HS3ST4: variants seen among roughly 807,000 people sequenced by gnomAD.
HS3ST4 encodes heparan sulfate-glucosamine 3-sulfotransferase 4, also known as heparan sulfate glucosamine 3-O-sulfotransferase 4.
A neutral mutation model predicts 29.2 loss-of-function variants in HS3ST4; 17 were observed. That is an observed-to-expected ratio of 0.58 (90% CI 0.40 to 0.87). The LOEUF is 0.87. HS3ST4 is among the 40% of genes least tolerant of loss of function. HS3ST4 has a pLI of 0.00. For synonymous variants in HS3ST4, 314 were observed against 285.7 expected (o/e 1.10, Z -1.00); for missense variants, 627 against 634.5 (o/e 0.99, Z 0.13).
At chr16:25,817,867 G>A (rs1304082496) in intron 1 of HS3ST4, among the ~76,000 whole-genome samples, 1 of 152,084 alleles carries the variant, frequency 6.6e-6, no homozygotes, top group Non-Finnish European at 1.5e-5. Flanking sequence ...TTTGCTTATT[G>A]TGGTTCACAA....
At chr16:26,037,876 A>T (rs890044228) in intron 1 of HS3ST4, among the ~76,000 whole-genome samples, 1 of 152,112 alleles carries the variant, frequency 6.6e-6, no homozygotes, top group African/African-American at 2.4e-5. Context: ...CATGTGTTCA[A>T]TTGCCCCAGT....
At chr16:25,706,689 C>T (rs1210523187) in intron 1 of HS3ST4, among the ~76,000 whole-genome samples, 1 of 152,136 alleles carries the variant, frequency 6.6e-6, no homozygotes, top group Non-Finnish European at 1.5e-5. Context: ...CCCTGAAATG[C>T]CTGCATCCTA....
intron 1 of HS3ST4, among the ~76,000 whole-genome samples, chr16:25,978,594 C>T (rs533701566): frequency 6.9e-4 from 105 of 152,334 alleles, no homozygotes; most frequent in African/African-American, 2.4e-3. Context: ...ATCTCTTGTG[C>T]TTTGTTGGCC....
chr16:25,707,885 C>T lies in HS3ST4; in HGVS notation c.734+14734C>T, dbSNP rs139375884. ...CGGGTCTCTGCTCAATCATCTTATCCTCAGGGTGGCTTTTTCTTGTACCAC... is the reference window on the plus strand; with the variant it reads ...CGGGTCTCTGCTCAATCATCTTATCTTCAGGGTGGCTTTTTCTTGTACCAC... On this transcript the variant is annotated intron_variant, in intron 1 of 1. Transcript: ENST00000331351. Among the ~76,000 whole-genome samples, 51 of 152,292 alleles carry T rather than the reference C, an allele frequency of 3.3e-4. 1 individual carries two copies. The highest frequency in any genetic ancestry group is 1.2e-3 in the African/African-American group (50 of 41,560).
intron 1 of HS3ST4, among the ~76,000 whole-genome samples, chr16:25,796,552 CA>C (rs201258684): frequency 6.6e-6 from 1 of 150,472 alleles, no homozygotes; most frequent in Non-Finnish European, 1.5e-5. Flanking sequence ...TATGGCATTG[CA>C]AAAAAAAATT....
intron 1 of HS3ST4, among the ~76,000 whole-genome samples, chr16:25,931,707 G>A (rs1447914379): frequency 6.6e-6 from 1 of 152,214 alleles, no homozygotes; most frequent in African/African-American, 2.4e-5. Flanking sequence ...ATTCTGTTTG[G>A]TGGGAAGCAG....
chr16:25,700,108 C>T (rs549052590), intron 1 of HS3ST4, among the ~76,000 whole-genome samples: 1 of 152,238 alleles, frequency 6.6e-6, no homozygotes, highest in African/African-American at 2.4e-5. Flanking sequence ...GGATTTTAAA[C>T]CCTGAAGCAG....
chr16:25,737,707 C>G (rs1471594626), intron 1 of HS3ST4, among the ~76,000 whole-genome samples: 1 of 152,112 alleles, frequency 6.6e-6, no homozygotes, highest in African/African-American at 2.4e-5. Context: ...TCATGTAACA[C>G]AACTGTACTT....
chr16:25,956,997 CAAA>C (rs11382105), intron 1 of HS3ST4, among the ~76,000 whole-genome samples: 3 of 77,828 alleles, frequency 3.9e-5, no homozygotes, highest in African/African-American at 5.4e-5. Context: ...GACTCCGTCT[CAAA>C]AAAAAAAAAA....
intron 1 of HS3ST4, among the ~76,000 whole-genome samples, chr16:26,003,748 C>T (rs556039384): frequency 1.1e-3 from 173 of 152,186 alleles, no homozygotes; most frequent in African/African-American, 3.9e-3. Context: ...CCATCTCTTT[C>T]GTGTTGGGGT....
At chr16:25,789,915 A>G (rs369804983) in intron 1 of HS3ST4, among the ~76,000 whole-genome samples, 3 of 152,348 alleles carry the variant, frequency 2.0e-5, no homozygotes, top group African/African-American at 7.2e-5. Context: ...TTTCATCACC[A>G]TGTAGTATTC....
At chr16:25,813,815 C>T (rs1967066101) in intron 1 of HS3ST4, among the ~76,000 whole-genome samples, 1 of 152,148 alleles carries the variant, frequency 6.6e-6, no homozygotes, top group South Asian at 2.1e-4. Flanking sequence ...CAATAGCTAA[C>T]ACCTGGAAAC....
At chr16:26,045,044 T>C (rs1596661444) in intron 1 of HS3ST4, among the ~76,000 whole-genome samples, 1 of 152,176 alleles carries the variant, frequency 6.6e-6, no homozygotes, top group Non-Finnish European at 1.5e-5. Context: ...CCCATGCGGC[T>C]GTGTAATTTG....
chr16:26,100,300 A>T (rs1051246014), intron 1 of HS3ST4, among the ~76,000 whole-genome samples: 2 of 152,220 alleles, frequency 1.3e-5, no homozygotes, highest in African/African-American at 4.8e-5. Context: ...ATAAAAATGG[A>T]AATTACACAA....
At chr16:25,703,264 G>A (rs923942633) in intron 1 of HS3ST4, among the ~76,000 whole-genome samples, 2 of 152,300 alleles carry the variant, frequency 1.3e-5, no homozygotes, top group South Asian at 2.1e-4. Context: ...ACAAACCATG[G>A]TTATTTTAGG....
At chr16:25,974,314 AT>A (rs1968923971) in intron 1 of HS3ST4, among the ~76,000 whole-genome samples, 1 of 152,154 alleles carries the variant, frequency 6.6e-6, no homozygotes, top group South Asian at 2.1e-4. Flanking sequence ...CTCTGAAGCT[AT>A]TTTTAACGTC....
chr16:26,092,362 GC>G (rs1013878203), intron 1 of HS3ST4, among the ~76,000 whole-genome samples: 112 of 152,218 alleles, frequency 7.4e-4, no homozygotes, highest in African/African-American at 2.7e-3. Flanking sequence ...TAAGATACCT[GC>G]CCCAGGCAAG....
chr16:25,788,895 A>G (rs1966862181), intron 1 of HS3ST4, among the ~76,000 whole-genome samples: 1 of 152,092 alleles, frequency 6.6e-6, no homozygotes, highest in Non-Finnish European at 1.5e-5. Flanking sequence ...AGCAATGCCA[A>G]GATTATGTTT....
intron 1 of HS3ST4, among the ~76,000 whole-genome samples, chr16:25,948,184 C>T (rs894471408): frequency 9.2e-5 from 14 of 152,098 alleles, no homozygotes; most frequent in African/African-American, 1.9e-4. Flanking sequence ...CAGCTTGAGA[C>T]GGTGCAACAG....
Sources: allele counts gnomAD v4.1 joint callset (sites outside exome capture counted in the v4.1 genomes callset), GRCh38; gene constraint gnomAD v4.1.1; transcripts MANE v1.5; gene names NCBI Gene and HGNC (gene_info 2026-07-23, HGNC 2026-07-21).